CFAP74: variants seen among roughly 807,000 people sequenced by gnomAD.
The protein encoded by CFAP74 is cilia and flagella associated protein 74, also known as cilia- and flagella-associated protein 74.
Under a neutral mutation model 188.9 loss-of-function variants are expected in CFAP74, and 124 were observed. That is an observed-to-expected ratio of 0.66 (90% confidence interval 0.57 to 0.76). The LOEUF is 0.76. Ranked by LOEUF, CFAP74 falls within the 30% of genes least tolerant of loss-of-function variation. CFAP74 has a pLI of 0.00. For synonymous variants in CFAP74, 956 were observed against 916.7 expected, an observed-to-expected ratio of 1.04 and a Z score of -0.77; for missense variants, 2,198 against 2,165.2, an observed-to-expected ratio of 1.02 and a Z score of -0.30.
At chr1:1,946,276 G>C (rs547343718) in intron 20 of CFAP74, 41 bp downstream of exon 20, 1 of 1,500,004 alleles carries the variant, frequency 6.7e-7, no homozygotes, top group African/African-American at 1.4e-5. Flanking sequence ...GTGGAGGCAG[G>C]GGCCAGGGTG....
intron 14 of CFAP74, 31 bp from the exon 15 acceptor site, chr1:1,960,061 T>G: frequency 6.3e-7 from 1 of 1,579,698 alleles, no homozygotes; most frequent in Non-Finnish European, 8.6e-7. Flanking sequence ...CACACGGGGG[T>G]TAGTGCTGCG....
chr1:1,932,555 T>C (rs937757424), intron 25 of CFAP74, among the ~76,000 whole-genome samples: 1 of 151,826 alleles, frequency 6.6e-6, no homozygotes, highest in African/African-American at 2.4e-5. Flanking sequence ...TGAGTGGAGA[T>C]ATTATTGATT....
Position 1,966,393 on chromosome 1 carries a change from T to C in CFAP74, c.1379A>G (p.Asn460Ser), listed in dbSNP as rs144739795. 792 of 1,586,290 alleles carry C rather than the reference T, an allele frequency of 5.0e-4. 2 individuals carry two copies. The African/African-American group carries it at 9.8e-3, about 20-fold the overall frequency. Residue 460 changes from asparagine to serine, a missense_variant, in exon 12 of 39, where the codon AAT (asparagine) becomes AGT (serine). Coordinates refer to ENST00000682832, the MANE Select transcript of CFAP74 (RefSeq NM_001304360.2). Reference protein sequence around the residue: ...LAEPEISGLWNEDYKPYQVPK... With the variant: ...LAEPEISGLWSEDYKPYQVPK... Reference sequence around the variant, plus strand: ...TACCTGGTATGGCTTGTAGTCTTCATTCCAAAGCCCAGAGATCTCGGGCTC... The same window carrying C: ...TACCTGGTATGGCTTGTAGTCTTCACTCCAAAGCCCAGAGATCTCGGGCTC...
rs1201684084 is a variant in CFAP74 at position 1,923,692 on chromosome 1, A to G, written c.4389+83T>C. On this transcript the variant is annotated intron_variant, in intron 35 of 38. Transcript: ENST00000682832. The surrounding 1 kb of genome is among the most constrained non-coding windows in gnomAD (Gnocchi z 6.3). Reference sequence around the variant, plus strand: ...CAGCCATGGTACCCTCAGGGCCTCCAAAGTGGAGCAGTGCAGCCAAAGGCA... The same window carrying G: ...CAGCCATGGTACCCTCAGGGCCTCCGAAGTGGAGCAGTGCAGCCAAAGGCA... The G allele has an allele frequency of 1.8e-5, 29 of 1,593,530 alleles. No individual in the cohort carries two copies. Among genetic ancestry groups the G allele is most frequent in the Non-Finnish European group, 2.5e-5 (29 of 1,163,952 alleles).
At chr1:1,964,807 G>T in intron 13 of CFAP74, 81 bp downstream of exon 13, 1 of 1,504,086 alleles carries the variant, frequency 6.6e-7, no homozygotes, top group Non-Finnish European at 9.1e-7. Flanking sequence ...AGCAAAAGGT[G>T]TCAGGGGTTG....
Position 1,973,055 on chromosome 1 carries a change from G to A in CFAP74, c.675-8C>T. 1 of 1,604,444 alleles carries A rather than the reference G, an allele frequency of 6.2e-7. No homozygotes were observed. The highest frequency in any genetic ancestry group is 8.5e-7 in the Non-Finnish European group (1 of 1,172,168). On this transcript the variant is annotated splice_polypyrimidine_tract_variant and splice_region_variant and intron_variant, in intron 7 of 38. Coordinates refer to ENST00000682832, the MANE Select transcript of CFAP74 (RefSeq NM_001304360.2). This position sits in a 1 kb window ranked among gnomAD's most constrained non-coding sequence, Gnocchi z 6.2. ...TGGGTGTTCAGGGACTTCCTGTGGG[G>A]ATATGGGGCCGTCAGAGGGAAACTC...
At chr1:1,987,686 C>T (rs1419093740) in intron 4 of CFAP74, among the ~76,000 whole-genome samples, 7 of 152,116 alleles carry the variant, frequency 4.6e-5, no homozygotes, top group African/African-American at 1.7e-4. Flanking sequence ...GGACTACAGG[C>T]GCCCACCACC....
chr1:1,988,757 G>A (rs1657393629), intron 3 of CFAP74, 102 bp from the exon 4 acceptor site: 6 of 1,474,478 alleles, frequency 4.1e-6, no homozygotes, highest in South Asian at 2.4e-5. Flanking sequence ...TTCTGCTTCA[G>A]GGCGGGAGCT....
At chr1:1,974,411 A>G (rs542001043) in intron 6 of CFAP74, among the ~76,000 whole-genome samples, 1 of 152,248 alleles carries the variant, frequency 6.6e-6, no homozygotes, top group African/African-American at 2.4e-5. Flanking sequence ...TATGGGTTCA[A>G]TCCAGCCCGG....
At position 1,922,167 on chromosome 1, in the gene CFAP74, C is replaced by T; in HGVS notation, c.*120G>A. ...GCCGTGGCGCCATGTGGAGGGCGGC[C>T]TATTGGAATCTGGCAGAGGATGGCC... On this transcript the variant is annotated 3_prime_UTR_variant, in exon 39 of 39. Coordinates refer to ENST00000682832, the MANE Select transcript of CFAP74 (RefSeq NM_001304360.2). 1 of 582,182 alleles carries T rather than the reference C, an allele frequency of 1.7e-6. No individual in the cohort carries two copies. Among genetic ancestry groups the T allele is most frequent in the Non-Finnish European group, 2.8e-6 (1 of 362,414 alleles). The allele number at this position is 582,182 out of a possible 1,614,324, so 36.1% of individuals were successfully genotyped here.
At chr1:1,950,797 G>A (rs1240170822) in intron 18 of CFAP74, among the ~76,000 whole-genome samples, 2 of 152,148 alleles carry the variant, frequency 1.3e-5, no homozygotes, top group African/African-American at 4.8e-5. Flanking sequence ...AAAAGCAGAT[G>A]TTCTTGGTTT....
Position 1,927,648 on chromosome 1 carries a change from G to A in CFAP74, c.3486C>T (p.Val1162=). 1 of 1,550,182 alleles carries A rather than the reference G, an allele frequency of 6.5e-7. No homozygotes were observed. The highest frequency in any genetic ancestry group is 8.7e-7 in the Non-Finnish European group (1 of 1,146,862). The change falls in exon 28 of 39, where the codon GTC becomes GTT. Residue 1162 remains valine, a synonymous_variant. Transcript: ENST00000682832. ...GCTTCCGCATCTCCAGGACGTGGGGGACAGAGACTTTGAACAGCTTGTCGC... is the reference window on the plus strand; with the variant it reads ...GCTTCCGCATCTCCAGGACGTGGGGAACAGAGACTTTGAACAGCTTGTCGC... ...QNRDKLFKVS[V]PHVLEMRKRE...
chr1:1,946,296 C>T (rs1014029338), intron 20 of CFAP74, 21 bp downstream of exon 20: 11 of 1,525,854 alleles, frequency 7.2e-6, no homozygotes, highest in Non-Finnish European at 9.6e-6. Context: ...GTGTGCGTGG[C>T]GTGGCAGCAG....
At position 1,986,359 on chromosome 1, in the gene CFAP74, G is replaced by A. The variant is rs563449915; in HGVS notation, c.395+578C>T. Reference sequence around the variant, plus strand: ...CCGAAGCCCCTCACCCCCCAGGGCCGGGAGGACCTGCTGGTTCCCTTGCCC... The same window carrying A: ...CCGAAGCCCCTCACCCCCCAGGGCCAGGAGGACCTGCTGGTTCCCTTGCCC... On this transcript the variant is annotated intron_variant, in intron 5 of 38. Transcript: ENST00000682832. Among the ~76,000 whole-genome samples the A allele has an allele frequency of 4.6e-4, 70 of 152,258 alleles. 1 individual carries two copies. The South Asian group carries it at 0.013, about 28-fold the overall frequency.
chr1:1,934,620 TGTAGGTA>T (rs1652703575), intron 25 of CFAP74, among the ~76,000 whole-genome samples: 2 of 128,330 alleles, frequency 1.6e-5, no homozygotes, highest in African/African-American at 5.8e-5. Flanking sequence ...TGTGTTAGGT[TGTAGGTA>T]CACACGTGTG....
At chr1:1,928,976 C>A in intron 26 of CFAP74, 94 bp from the exon 27 acceptor site, 1 of 767,776 alleles carries the variant, frequency 1.3e-6, no homozygotes, top group Non-Finnish European at 2.1e-6. Flanking sequence ...CCCGTGGACT[C>A]CCCTCAAGGT....
chr1:1,935,581 G>T (rs910837196), intron 25 of CFAP74, among the ~76,000 whole-genome samples: 5 of 140,358 alleles, frequency 3.6e-5, no homozygotes, highest in Non-Finnish European at 6.3e-5. Flanking sequence ...TGTGTGTTAG[G>T]TTATAGGTAC....
chr1:1,950,945 A>C (rs1027928270), intron 18 of CFAP74, among the ~76,000 whole-genome samples: 2 of 152,124 alleles, frequency 1.3e-5, no homozygotes, highest in East Asian at 3.8e-4. Context: ...TTTTAGGCTT[A>C]ACTTTTAGGT....
chr1:1,998,482 T>C (rs1266505344), intron 1 of CFAP74, among the ~76,000 whole-genome samples: 1 of 152,142 alleles, frequency 6.6e-6, no homozygotes, highest in Non-Finnish European at 1.5e-5. Context: ...GGCTGATAGT[T>C]GCTGAGGCAG....
Sources: gnomAD v4.1 joint callset for allele counts (sites outside exome capture counted in the v4.1 genomes callset) on GRCh38, gnomAD v4.1.1 for gene constraint, Gnocchi (gnomAD v3.1) non-coding constraint, MANE v1.5 for transcripts, NCBI Gene and HGNC (gene_info 2026-07-23, HGNC 2026-07-21) for gene names.